CFLAR: variants seen among roughly 807,000 people sequenced by gnomAD.
CFLAR encodes the protein CASP8 and FADD like apoptosis regulator.
CFLAR carries 14 observed loss-of-function variants against 51.1 expected under a neutral mutation model. The ratio of observed to expected loss-of-function variants is 0.27; its 90% CI spans 0.18 to 0.43. CFLAR has a LOEUF of 0.43. Ranked by LOEUF, CFLAR falls within the 20% of genes least tolerant of loss-of-function variation. CFLAR has a pLI of 1.00. For missense variants in CFLAR, 390 were observed against 566.5 expected (o/e 0.69, Z 3.16); for synonymous variants, 210 against 211.6 (o/e 0.99, Z 0.06).
chr2:201,131,299 C>T (rs528200381), intron 2 of CFLAR, among the ~76,000 whole-genome samples: 4 of 150,862 alleles, frequency 2.7e-5, no homozygotes, highest in East Asian at 2.0e-4. Context: ...TGCAGTGGTG[C>T]GATCTTGGCT....
intron 1 of CFLAR, among the ~76,000 whole-genome samples, chr2:201,126,096 T>G (rs2048677150): frequency 6.6e-6 from 1 of 152,146 alleles, no homozygotes; most frequent in Non-Finnish European, 1.5e-5. Flanking sequence ...AAGAGTCCGT[T>G]TATTTAGCCG....
intron 3 of CFLAR, among the ~76,000 whole-genome samples, chr2:201,133,799 C>T (rs918056929): frequency 9.3e-5 from 14 of 150,864 alleles, no homozygotes; most frequent in Non-Finnish European, 1.8e-4. Context: ...GGTGTGGTGG[C>T]GGGCGCCTGT....
At chr2:201,158,293 C>G (rs1022384921) in intron 8 of CFLAR, among the ~76,000 whole-genome samples, 22 of 152,178 alleles carry the variant, frequency 1.4e-4, no homozygotes, top group African/African-American at 5.3e-4. Context: ...GCCAGAACCT[C>G]CAGGGAGCAC....
chr2:201,119,793 C>T (rs188693861), intron 1 of CFLAR, among the ~76,000 whole-genome samples: 29 of 150,950 alleles, frequency 1.9e-4, no homozygotes, highest in Admixed American at 1.8e-3. Context: ...TAGAGAAAAC[C>T]TCCAGGGGTT....
intron 3 of CFLAR, 64 bp downstream of exon 3, chr2:201,133,198 G>A (rs12721502): frequency 8.3e-7 from 1 of 1,207,966 alleles, no homozygotes; most frequent in Non-Finnish European, 1.2e-6. Flanking sequence ...TACTCTTGTT[G>A]ATACAGAGAG....
At chr2:201,134,185 C>G (rs2049758527) in intron 3 of CFLAR, among the ~76,000 whole-genome samples, 1 of 151,696 alleles carries the variant, frequency 6.6e-6, no homozygotes, top group Non-Finnish European at 1.5e-5. Flanking sequence ...TGGTAGGCAC[C>G]TATAATCCCA....
intron 5 of CFLAR, chr2:201,141,478 C>G: frequency 6.5e-7 from 1 of 1,534,996 alleles, no homozygotes; most frequent in South Asian, 1.2e-5. Context: ...ATGATTAAAT[C>G]GTTTCATTTT....
chr2:201,134,827 C>T (rs28636431), intron 3 of CFLAR, among the ~76,000 whole-genome samples: 35,633 of 151,932 alleles, frequency 0.23, 4,905 homozygotes, highest in African/African-American at 0.38. Flanking sequence ...CTGCCTGTAA[C>T]GATTCAGATA....
intron 8 of CFLAR, among the ~76,000 whole-genome samples, chr2:201,155,938 A>G (rs72931054): frequency 6.6e-6 from 1 of 151,746 alleles, no homozygotes; most frequent in Non-Finnish European, 1.5e-5. Flanking sequence ...TTTGTTTTTT[A>G]TAGAGACAGG....
At chr2:201,125,015 G>A (rs190677135) in intron 1 of CFLAR, among the ~76,000 whole-genome samples, 4 of 152,258 alleles carry the variant, frequency 2.6e-5, no homozygotes, top group South Asian at 4.1e-4. Context: ...AGGGGCAAAC[G>A]AGGCACTGGC....
In CFLAR at chr2:201,129,879, T is replaced by C. The variant is rs2125661262; in HGVS notation, c.14T>C (p.Val5Ala). 3 of 1,614,154 alleles carry C rather than the reference T, an allele frequency of 1.9e-6. No individual in the cohort carries two copies. Among genetic ancestry groups the C allele is most frequent in the East Asian group, 4.5e-5 (2 of 44,884 alleles). ...TCTAAGAGTAGGATGTCTGCTGAAG[T>C]CATCCATCAGGTTGAAGAAGCACTT... MSAEVIHQVEEALDT... is the reference protein window; with the variant it reads MSAEAIHQVEEALDT... The change falls in exon 2 of 10, where the codon GTC becomes GCC. Residue 5 changes from valine (V) to alanine (A), a missense_variant. Physicochemically the swap from Val to Ala is moderately conservative, Grantham distance 64 (BLOSUM62 0). Transcript: ENST00000309955.
Position 201,124,465 on chromosome 2 carries a change from G to A in CFLAR, c.-137-5264G>A, listed in dbSNP as rs2048490059. 6.6e-6 allele frequency among the ~76,000 whole-genome samples: 1 copy of A among 152,132 alleles called. No individual in the cohort carries two copies. The highest frequency in any genetic ancestry group is 1.5e-5 in the Non-Finnish European group (1 of 68,030). On this transcript the variant is annotated intron_variant, in intron 1 of 9. Transcript: ENST00000309955. This position sits in a 1 kb window ranked among gnomAD's most constrained non-coding sequence, Gnocchi z 4.7. ...CTTTTGTGCCTCAACCCCTCGAGTA[G>A]CTGGGATTACAGACATGCAGCACCA...
chr2:201,161,090 C>T, intron 9 of CFLAR, 148 bp downstream of exon 9: 1 of 598,426 alleles, frequency 1.7e-6, no homozygotes, highest in East Asian at 2.8e-5. Context: ...CCTAGGACTA[C>T]AGTATAGACC....
chr2:201,163,644 A>AGG, intron 9 of CFLAR, 191 bp from the exon 10 acceptor site: 1 of 1,387,810 alleles, frequency 7.2e-7, no homozygotes, highest in South Asian at 1.6e-5. Context: ...CAGCCCCTTG[A>AGG]GGGAGGGGAT....
intron 6 of CFLAR, chr2:201,146,645 A>G (rs1232367048): frequency 1.3e-5 from 2 of 152,294 alleles, no homozygotes; most frequent in Non-Finnish European, 2.9e-5. Flanking sequence ...TCAGTCTTAC[A>G]CTGATGAGGC....
In CFLAR at chr2:201,171,001, A is replaced by T; in HGVS notation, c.*7028A>T. On this transcript the variant is annotated 3_prime_UTR_variant, in exon 10 of 10. Transcript: ENST00000309955. ...AGCCATAAAAAGGAATGAATTAATG[A>T]CATTCACAGCAACCTGGAGACTATT... is the stretch of plus-strand genomic sequence containing the variant. The T allele has an allele frequency of 6.6e-6, 1 of 152,258 alleles. No individual in the cohort carries two copies. Among genetic ancestry groups the T allele is most frequent in the East Asian group, 1.9e-4 (1 of 5,206 alleles). The allele number at this position is 152,258 out of a possible 1,614,324, so 9.4% of individuals were successfully genotyped here.
intron 9 of CFLAR, chr2:201,162,820 TCAGTAGTCA>T (rs1397734302): frequency 4.4e-5 from 23 of 521,976 alleles, no homozygotes; most frequent in Non-Finnish European, 7.0e-5. Flanking sequence ...TTTTTGCATG[TCAGTAGTCA>T]CATTTCTACA....
chr2:201,159,474 T>C (rs979676817), intron 8 of CFLAR, among the ~76,000 whole-genome samples: 4 of 151,972 alleles, frequency 2.6e-5, no homozygotes, highest in Non-Finnish European at 5.9e-5. Flanking sequence ...TACACCTGAC[T>C]AATTTTTGTA....
chr2:201,135,652 CAG>C (rs2050002247), intron 3 of CFLAR, among the ~76,000 whole-genome samples: 1 of 151,416 alleles, frequency 6.6e-6, no homozygotes, highest in Admixed American at 6.6e-5. Context: ...TTTTTTGAGA[CAG>C]GGTCTCGCTC....
Sources: gnomAD v4.1 joint callset for allele counts (sites outside exome capture counted in the v4.1 genomes callset) on GRCh38, gnomAD v4.1.1 for gene constraint, Gnocchi (gnomAD v3.1) non-coding constraint, MANE v1.5 for transcripts, NCBI Gene and HGNC (gene_info 2026-07-23, HGNC 2026-07-21) for gene names.